PPP2R5E: variants seen among roughly 807,000 people sequenced by gnomAD.
The protein encoded by PPP2R5E is serine/threonine-protein phosphatase 2A 56 kDa regulatory subunit epsilon isoform.
Under a neutral mutation model 65.3 loss-of-function variants are expected in PPP2R5E, and 4 were observed. The observed-to-expected ratio is 0.06, with a 90% CI of 0.03 to 0.14. The LOEUF is 0.14. PPP2R5E is among the 10% of genes least tolerant of loss of function. The pLI, the probability that PPP2R5E is intolerant of heterozygous loss-of-function variation, is 1.00. For synonymous variants in PPP2R5E, 183 were observed against 187.4 expected, an observed-to-expected ratio of 0.98 and a Z score of 0.19; for missense variants, 274 against 556.1, an observed-to-expected ratio of 0.49 and a Z score of 5.10.
intron 2 of PPP2R5E, among the ~76,000 whole-genome samples, chr14:63,484,358 C>G (rs927810927): frequency 6.7e-6 from 1 of 149,618 alleles, no homozygotes; most frequent in African/African-American, 2.4e-5. Flanking sequence ...CACACACACA[C>G]ACACACACAC....
At chr14:63,389,268 T>C (rs1255906950) in intron 11 of PPP2R5E, among the ~76,000 whole-genome samples, 1 of 152,132 alleles carries the variant, frequency 6.6e-6, no homozygotes, top group Non-Finnish European at 1.5e-5. Context: ...CATTCTCTCT[T>C]ACACACTAGA....
chr14:63,515,994 C>T (rs1892656142), intron 2 of PPP2R5E, among the ~76,000 whole-genome samples: 2 of 150,422 alleles, frequency 1.3e-5, no homozygotes, highest in South Asian at 2.1e-4. Flanking sequence ...GGACTATAAG[C>T]GCCCGCCACC....
At position 63,460,737 on chromosome 14, in the gene PPP2R5E, T is replaced by A. The variant is rs1032870821; in HGVS notation, c.158-6852A>T. Among the ~76,000 whole-genome samples the A allele has an allele frequency of 1.8e-4, 28 of 152,124 alleles. 1 individual carries two copies. The stretch of plus-strand genomic sequence containing the variant: ...TTCCCTTTCCCAAAAGCTAACAATA[T>A]GCTCTCCAATTTACAAATAAAAACC... On this transcript the variant is annotated intron_variant, in intron 2 of 13. Transcript: ENST00000337537.
intron 5 of PPP2R5E, among the ~76,000 whole-genome samples, chr14:63,397,143 T>G (rs780211742): frequency 6.6e-6 from 1 of 152,162 alleles, no homozygotes; most frequent in Non-Finnish European, 1.5e-5. Context: ...ACCCCAGCAG[T>G]TGAGGCCAAA....
intron 5 of PPP2R5E, among the ~76,000 whole-genome samples, chr14:63,400,352 G>C (rs1420311544): frequency 1.4e-4 from 21 of 152,160 alleles, no homozygotes; most frequent in Admixed American, 6.5e-5. Flanking sequence ...GGAAGAAGTG[G>C]AGTGATCAGC....
At chr14:63,405,023 A>G (rs902254982) in intron 5 of PPP2R5E, among the ~76,000 whole-genome samples, 3 of 152,202 alleles carry the variant, frequency 2.0e-5, no homozygotes, top group Admixed American at 1.3e-4. Flanking sequence ...AACCAAGCAC[A>G]GGGCCCTTCT....
intron 3 of PPP2R5E, among the ~76,000 whole-genome samples, chr14:63,425,605 C>T (rs1237475840): frequency 6.6e-6 from 1 of 152,226 alleles, no homozygotes; most frequent in Non-Finnish European, 1.5e-5. Flanking sequence ...CTTACAGTGT[C>T]CACTGCACGC....
In PPP2R5E at chr14:63,376,216, G is replaced by A. The variant is rs553234178; in HGVS notation, c.1305-108C>T. On this transcript the variant is annotated intron_variant, in intron 13 of 13. Coordinates refer to ENST00000337537, the MANE Select transcript of PPP2R5E (RefSeq NM_006246.5). ...ACACTCCTTTATACTTAGCTTAATT[G>A]AGAAAATTAACTTTAAAATTACTAA... 92 of 709,846 alleles carry A rather than the reference G, an allele frequency of 1.3e-4. No homozygotes were observed. In the African/African-American group the frequency reaches 1.5e-3, roughly 11 times the overall value. The allele number at this position is 709,846 out of a possible 1,614,324, so 44.0% of individuals were successfully genotyped here.
At chr14:63,428,199 C>T (rs1248795048) in intron 3 of PPP2R5E, among the ~76,000 whole-genome samples, 3 of 152,158 alleles carry the variant, frequency 2.0e-5, no homozygotes, top group Non-Finnish European at 4.4e-5. Flanking sequence ...GTTTCCTTTC[C>T]GGTACTCTCT....
intron 5 of PPP2R5E, among the ~76,000 whole-genome samples, chr14:63,413,351 C>CA (rs1428820765): frequency 1.3e-5 from 2 of 152,060 alleles, no homozygotes; most frequent in Non-Finnish European, 2.9e-5. Flanking sequence ...CATTAATTCA[C>CA]AAAAAATAGG....
At chr14:63,382,708 C>G (rs1354088915) in intron 12 of PPP2R5E, among the ~76,000 whole-genome samples, 1 of 152,104 alleles carries the variant, frequency 6.6e-6, no homozygotes, top group African/African-American at 2.4e-5. Flanking sequence ...GCCTGCCCTT[C>G]TAATTATTGG....
At position 63,453,890 on chromosome 14, in the gene PPP2R5E, GAA is replaced by G; in HGVS notation, c.158-7_158-6del. On this transcript the variant is annotated splice_region_variant and splice_polypyrimidine_tract_variant and intron_variant, in intron 2 of 13. Transcript: ENST00000337537. ...GCTGCTCTGAGGATGGAACGTCTAAGAAAAAAAAAGGAAATGGTGTAAGTCTG... is the reference window on the plus strand; with the variant it reads ...GCTGCTCTGAGGATGGAACGTCTAAGAAAAAAAGGAAATGGTGTAAGTCTG... 1 of 1,405,890 alleles carries G rather than the reference GAA, an allele frequency of 7.1e-7. No individual in the cohort carries two copies. Among genetic ancestry groups the G allele is most frequent in the Non-Finnish European group, 9.3e-7 (1 of 1,071,716 alleles). The allele number at this position is 1,405,890 out of a possible 1,614,324, so 87.1% of individuals were successfully genotyped here.
intron 2 of PPP2R5E, among the ~76,000 whole-genome samples, chr14:63,493,435 A>G (rs1891379380): frequency 6.8e-6 from 1 of 146,404 alleles, no homozygotes; most frequent in Non-Finnish European, 1.5e-5. Context: ...ATCCTCTCTC[A>G]AGTGTCACAA....
At chr14:63,379,134 T>C (rs1410975345) in intron 13 of PPP2R5E, among the ~76,000 whole-genome samples, 1 of 152,028 alleles carries the variant, frequency 6.6e-6, no homozygotes, top group Non-Finnish European at 1.5e-5. Flanking sequence ...GTTCACGCCA[T>C]TCTCCTGCCT....
intron 2 of PPP2R5E, among the ~76,000 whole-genome samples, chr14:63,476,493 T>A (rs2139577720): frequency 6.6e-6 from 1 of 152,314 alleles, no homozygotes; most frequent in Admixed American, 6.5e-5. Flanking sequence ...CTCCTTCCGC[T>A]AAAGTTTATA....
At chr14:63,522,028 C>G (rs1281276253) in intron 2 of PPP2R5E, among the ~76,000 whole-genome samples, 1 of 147,100 alleles carries the variant, frequency 6.8e-6, no homozygotes, top group Non-Finnish European at 1.5e-5. Context: ...CATCTCGGCT[C>G]ACTGCAACCT....
rs143575011 is a variant in PPP2R5E, at chr14:63,414,925, T to C, written c.549+215A>G. Among the ~76,000 whole-genome samples the C allele has an allele frequency of 5.5e-3, 842 of 152,334 alleles. 10 individuals are homozygous for C. Among genetic ancestry groups the C allele is most frequent in the Non-Finnish European group, 7.9e-3 (539 of 68,026 alleles). On this transcript the variant is annotated intron_variant, in intron 5 of 13. Transcript: ENST00000337537. ...GGATTTAGGCATTAGCATTCCTGGC[T>C]ATTTAAAATGTAATTGATTTCTACC...
Position 63,391,964 on chromosome 14 carries a change from A to T in PPP2R5E, c.903+8T>A. 1 of 1,610,168 alleles carries T rather than the reference A, an allele frequency of 6.2e-7. No individual in the cohort carries two copies. The highest frequency in any genetic ancestry group is 8.5e-7 in the Non-Finnish European group (1 of 1,177,616). On this transcript the variant is annotated splice_region_variant and intron_variant, in intron 9 of 13. Coordinates refer to ENST00000337537, the MANE Select transcript of PPP2R5E (RefSeq NM_006246.5). ...TTAAGTTTTTGAAATTATGGAAAAA[A>T]GACTTACTGGTTCTGTGAGTGAAGG...
At chr14:63,541,441 A>T (rs1893901592) in intron 1 of PPP2R5E, among the ~76,000 whole-genome samples, 1 of 152,230 alleles carries the variant, frequency 6.6e-6, no homozygotes, top group Non-Finnish European at 1.5e-5. Context: ...TGAATTGTTT[A>T]ACCCTCTCGA....
Sources: gnomAD v4.1 joint callset for allele counts (sites outside exome capture counted in the v4.1 genomes callset) on GRCh38, gnomAD v4.1.1 for gene constraint, MANE v1.5 for transcripts, NCBI Gene and HGNC (gene_info 2026-07-23, HGNC 2026-07-21) for gene names.